SDCCAG8: variants seen among roughly 807,000 people sequenced by gnomAD.
SDCCAG8 encodes the protein SHH signaling and ciliogenesis regulator SDCCAG8.
Under a neutral mutation model 101.8 loss-of-function variants are expected in SDCCAG8, and 74 were observed. The ratio of observed to expected loss-of-function variants is 0.73; its 90% CI spans 0.60 to 0.88. The LOEUF (loss-of-function observed/expected upper bound fraction) is 0.88. SDCCAG8 is among the 40% of genes least tolerant of loss of function. The probability of loss-of-function intolerance (pLI) is 0.00; values close to 1 mark genes in which losing one functional copy is unlikely to be tolerated. For missense variants in SDCCAG8, 787 were observed against 822.6 expected, an observed-to-expected ratio of 0.96 and a Z score of 0.53; for synonymous variants, 281 against 292.9, an observed-to-expected ratio of 0.96 and a Z score of 0.41.
intron 1 of SDCCAG8, chr1:243,267,371 C>T (rs2067702603): frequency 4.1e-6 from 1 of 244,430 alleles, no homozygotes; most frequent in South Asian, 4.5e-5. Context: ...CTGAGACGGG[C>T]GGATTTCACC....
chr1:243,310,363 T>A (rs1403520671), intron 8 of SDCCAG8, among the ~76,000 whole-genome samples: 1 of 152,172 alleles, frequency 6.6e-6, no homozygotes, highest in African/African-American at 2.4e-5. Flanking sequence ...ACATCATTTT[T>A]AAAAATCTTC....
At chr1:243,324,629 CT>C (rs1275024366) in intron 9 of SDCCAG8, among the ~76,000 whole-genome samples, 2 of 152,072 alleles carry the variant, frequency 1.3e-5, no homozygotes, top group East Asian at 3.9e-4. Flanking sequence ...CAGTGGTATA[CT>C]TCACGTATTC....
At chr1:243,363,920 C>T (rs1311993654) in intron 12 of SDCCAG8, among the ~76,000 whole-genome samples, 1 of 152,192 alleles carries the variant, frequency 6.6e-6, no homozygotes, top group Non-Finnish European at 1.5e-5. Context: ...ATCTACTTCA[C>T]ATTTTGGTGC....
At chr1:243,475,261 A>T (rs898066084) in intron 16 of SDCCAG8, among the ~76,000 whole-genome samples, 1 of 152,142 alleles carries the variant, frequency 6.6e-6, no homozygotes, top group African/African-American at 2.4e-5. Context: ...AGCAGTGAAT[A>T]CTGTCTGGAT....
intron 16 of SDCCAG8, among the ~76,000 whole-genome samples, chr1:243,437,531 CT>C (rs931257839): frequency 0.051 from 6,633 of 129,530 alleles, 371 homozygotes; most frequent in African/African-American, 0.17. Context: ...TGGAGGAATT[CT>C]TTTTTTTTTT....
At chr1:243,351,589 T>C (rs1007443332) in intron 12 of SDCCAG8, among the ~76,000 whole-genome samples, 22 of 152,234 alleles carry the variant, frequency 1.4e-4, no homozygotes, top group Non-Finnish European at 2.6e-4. Context: ...CCTAAAGCAT[T>C]GTTCAGCATA....
At chr1:243,342,950 G>A (rs183614221) in intron 11 of SDCCAG8, among the ~76,000 whole-genome samples, 103 of 152,102 alleles carry the variant, frequency 6.8e-4, no homozygotes, top group African/African-American at 2.0e-3. Flanking sequence ...TACTTTTAAG[G>A]TTCTGTTTTG....
chr1:243,412,288 T>A (rs1487400751), intron 13 of SDCCAG8, among the ~76,000 whole-genome samples: 2 of 152,196 alleles, frequency 1.3e-5, no homozygotes, highest in Non-Finnish European at 2.9e-5. Flanking sequence ...GCAGTGTGTC[T>A]GATCTTTTGG....
intron 5 of SDCCAG8, among the ~76,000 whole-genome samples, chr1:243,291,984 C>T (rs2070314033): frequency 6.6e-6 from 1 of 152,162 alleles, no homozygotes; most frequent in African/African-American, 2.4e-5. Flanking sequence ...ACTTTGCTTG[C>T]TATTACTGGT....
intron 16 of SDCCAG8, among the ~76,000 whole-genome samples, chr1:243,464,186 G>A (rs1359856960): frequency 6.6e-6 from 1 of 152,180 alleles, no homozygotes; most frequent in African/African-American, 2.4e-5. Flanking sequence ...CATTGGTGGT[G>A]CTTTTTCTGA....
At chr1:243,333,413 A>G (rs982546564) in intron 10 of SDCCAG8, among the ~76,000 whole-genome samples, 2 of 152,214 alleles carry the variant, frequency 1.3e-5, no homozygotes, top group Non-Finnish European at 2.9e-5. Flanking sequence ...TTACATCAAA[A>G]TGTCTGAGAG....
chr1:243,418,829 T>C (rs1028612502), intron 15 of SDCCAG8, among the ~76,000 whole-genome samples: 6 of 152,204 alleles, frequency 3.9e-5, no homozygotes, highest in Non-Finnish European at 5.9e-5. Context: ...TCACTTTAAA[T>C]TGAACTATAG....
intron 17 of SDCCAG8, among the ~76,000 whole-genome samples, chr1:243,491,736 C>T (rs763685596): frequency 6.6e-5 from 10 of 152,140 alleles, no homozygotes; most frequent in Non-Finnish European, 1.2e-4. Context: ...ATTTTGGATG[C>T]GGTGCCGCCT....
At chr1:243,415,611 A>G in intron 13 of SDCCAG8, 91 bp from the exon 14 acceptor site, 2 of 1,553,208 alleles carry the variant, frequency 1.3e-6, no homozygotes, top group South Asian at 1.1e-5. Flanking sequence ...ACAATTTACT[A>G]CGTATCAGCT....
intron 4 of SDCCAG8, among the ~76,000 whole-genome samples, chr1:243,284,311 G>A (rs2069369680): frequency 2.0e-5 from 3 of 152,142 alleles, no homozygotes; most frequent in Non-Finnish European, 2.9e-5. Context: ...ATTTCCTTCA[G>A]TGTCCTGGTC....
chr1:243,433,363 A>G (rs1173511015), intron 16 of SDCCAG8, among the ~76,000 whole-genome samples: 2 of 151,724 alleles, frequency 1.3e-5, no homozygotes, highest in Non-Finnish European at 2.9e-5. Flanking sequence ...AAAGAAAAAA[A>G]AAAAAAAAAA....
At chr1:243,325,792 T>A (rs1490534936) in intron 9 of SDCCAG8, among the ~76,000 whole-genome samples, 1 of 152,220 alleles carries the variant, frequency 6.6e-6, no homozygotes, top group African/African-American at 2.4e-5. Context: ...ATAATCCATG[T>A]ATACCACTTA....
chr1:243,300,970 TAAGA>T (rs1042471500), intron 6 of SDCCAG8, among the ~76,000 whole-genome samples: 2 of 152,074 alleles, frequency 1.3e-5, no homozygotes, highest in Non-Finnish European at 2.9e-5. Flanking sequence ...ATGAAAAAAT[TAAGA>T]AAGAGGTATG....
chr1:243,467,782 C>T (rs544346813), intron 16 of SDCCAG8, among the ~76,000 whole-genome samples: 53 of 152,206 alleles, frequency 3.5e-4, no homozygotes, highest in Non-Finnish European at 6.2e-4. Context: ...AGCATTGAAA[C>T]GCATGTCACG....
Sources: allele counts gnomAD v4.1 joint callset (sites outside exome capture counted in the v4.1 genomes callset), GRCh38; gene constraint gnomAD v4.1.1; transcripts MANE v1.5; gene names NCBI Gene and HGNC (gene_info 2026-07-23, HGNC 2026-07-21).